The following TMEM98 variants were observed in gnomAD, a reference collection of about 807,000 sequenced individuals.
TMEM98 encodes transmembrane protein 98.
A neutral mutation model predicts 25.0 loss-of-function variants in TMEM98; 18 were observed. The ratio of observed to expected loss-of-function variants is 0.72; its 90% CI spans 0.50 to 1.07. TMEM98 has a LOEUF of 1.07. TMEM98 is among the 50% of genes least tolerant of loss of function. TMEM98 has a pLI of 0.00. For synonymous variants in TMEM98, 103 were observed against 112.4 expected, an observed-to-expected ratio of 0.92 and a Z score of 0.53; for missense variants, 241 against 289.0, an observed-to-expected ratio of 0.83 and a Z score of 1.20.
chr17:32,934,583 C>G (rs1277277531), intron 5 of TMEM98, among the ~76,000 whole-genome samples: 1 of 152,230 alleles, frequency 6.6e-6, no homozygotes, highest in Non-Finnish European at 1.5e-5. Flanking sequence ...CCTAGGTACA[C>G]AGCCACCATT....
intron 1 of TMEM98, among the ~76,000 whole-genome samples, chr17:32,930,528 C>G (rs968131198): frequency 6.6e-6 from 1 of 152,164 alleles, no homozygotes; most frequent in Non-Finnish European, 1.5e-5. Flanking sequence ...ACTTTAATGC[C>G]AGTTCTAAGT....
At chr17:32,928,739 A>G (rs1022939639) in intron 1 of TMEM98, among the ~76,000 whole-genome samples, 1 of 151,334 alleles carries the variant, frequency 6.6e-6, no homozygotes, top group African/African-American at 2.4e-5. Context: ...CACTTAAGAT[A>G]AACACTCAGG....
At chr17:32,937,862 A>T (rs1172700233) in intron 6 of TMEM98, among the ~76,000 whole-genome samples, 2 of 152,108 alleles carry the variant, frequency 1.3e-5, no homozygotes, top group East Asian at 3.9e-4. Flanking sequence ...CAGTGCTGGG[A>T]TTATAGGTGT....
chr17:32,938,245 C>T (rs2091508350), intron 6 of TMEM98, among the ~76,000 whole-genome samples: 1 of 152,080 alleles, frequency 6.6e-6, no homozygotes, highest in Middle Eastern at 3.2e-3. Context: ...ATGTTTTGTC[C>T]CCATTGTTTT....
At chr17:32,934,466 G>T (rs1328072119) in intron 5 of TMEM98, 142 bp downstream of exon 5, 3 of 860,376 alleles carry the variant, frequency 3.5e-6, no homozygotes, top group Non-Finnish European at 5.5e-6. Flanking sequence ...AATTTTTGTG[G>T]TTTACTTCCC....
rs1442262391 is a variant in TMEM98 at position 32,943,888 on chromosome 17, G to A, written c.*2895G>A. ...TGGCTTGGTCCAAGCAGTGACTTCT[G>A]TTCATGGGCTCTGGAATTGAGTGGC... On this transcript the variant is annotated 3_prime_UTR_variant, in exon 8 of 8. Transcript: ENST00000579849. 1 of 152,264 alleles carries A rather than the reference G, an allele frequency of 6.6e-6. No individual in the cohort carries two copies. The highest frequency in any genetic ancestry group is 1.5e-5 in the Non-Finnish European group (1 of 68,106). The allele number at this position is 152,264 out of a possible 1,614,324, so 9.4% of individuals were successfully genotyped here. A position where few individuals can be genotyped will look rare whatever the true frequency, so the allele number is the denominator to read the frequency against.
chr17:32,938,115 C>T (rs909378630), intron 6 of TMEM98, among the ~76,000 whole-genome samples: 1 of 152,202 alleles, frequency 6.6e-6, no homozygotes, highest in African/African-American at 2.4e-5. Context: ...TGGACCTGTT[C>T]TGGTGCTCAC....
In TMEM98 at chr17:32,943,405, GTC is replaced by G. The variant is rs2091540673; in HGVS notation, c.*2416_*2417del. On this transcript the variant is annotated 3_prime_UTR_variant, in exon 8 of 8. Transcript: ENST00000579849. ...AGTGAGTGCCAGGGATCTCAGGACT[GTC>G]TCTGTGCCAGGTGTGGTTTCCCAGG... The G allele has an allele frequency of 6.6e-6, 1 of 152,200 alleles. No individual in the cohort carries two copies. Among genetic ancestry groups the G allele is most frequent in the Admixed American group, 6.5e-5 (1 of 15,278 alleles). 9.4% of individuals were successfully genotyped at this position (152,200 alleles called of 1,614,324 possible).
chr17:32,929,435 G>T (rs1197732076), intron 1 of TMEM98, among the ~76,000 whole-genome samples: 3 of 152,162 alleles, frequency 2.0e-5, no homozygotes, highest in Non-Finnish European at 4.4e-5. Flanking sequence ...ACACTGAGAA[G>T]CGGGAGACGG....
intron 5 of TMEM98, among the ~76,000 whole-genome samples, chr17:32,934,956 C>G (rs29014): frequency 0.089 from 13,517 of 152,094 alleles, 680 homozygotes; most frequent in Non-Finnish European, 0.094. Flanking sequence ...CTGTTAATAT[C>G]CTACCTAATA....
At chr17:32,934,677 C>T (rs2091487059) in intron 5 of TMEM98, among the ~76,000 whole-genome samples, 1 of 152,194 alleles carries the variant, frequency 6.6e-6, no homozygotes, top group Non-Finnish European at 1.5e-5. Flanking sequence ...CCCCTGCACA[C>T]TCATTTTCAC....
At position 32,939,546 on chromosome 17, in the gene TMEM98, GGGGT is replaced by G. The variant is rs1407910365; in HGVS notation, c.473+16_473+19del. 1 of 1,613,992 alleles carries G rather than the reference GGGGT, an allele frequency of 6.2e-7. No individual in the cohort carries two copies. Among genetic ancestry groups the G allele is most frequent in the East Asian group, 2.2e-5 (1 of 44,892 alleles). On this transcript the variant is annotated intron_variant, in intron 7 of 7. Coordinates refer to ENST00000579849, the MANE Select transcript of TMEM98 (RefSeq NM_015544.3). ...AACTCCTGGACGCACGGTGAGACCA[GGGGT>G]GGGTGCATGTTCGGTTTTTCATGCA...
At chr17:32,930,414 G>A (rs1258363394) in intron 1 of TMEM98, among the ~76,000 whole-genome samples, 1 of 152,144 alleles carries the variant, frequency 6.6e-6, no homozygotes, top group East Asian at 1.9e-4. Flanking sequence ...CAAATGCACG[G>A]ACTTCTTTCA....
chr17:32,939,236 G>C (rs969427172), intron 6 of TMEM98, among the ~76,000 whole-genome samples: 3 of 151,924 alleles, frequency 2.0e-5, no homozygotes, highest in African/African-American at 7.3e-5. Flanking sequence ...GTGAAACCCC[G>C]TCTCTACTAA....
chr17:32,935,532 A>C (rs1386882946), intron 5 of TMEM98, among the ~76,000 whole-genome samples: 1 of 150,910 alleles, frequency 6.6e-6, no homozygotes, highest in Non-Finnish European at 1.5e-5. Context: ...GGATCTTAAG[A>C]CTCTTTTGCT....
chr17:32,931,803 C>A, intron 3 of TMEM98, 144 bp downstream of exon 3: 1 of 1,118,332 alleles, frequency 8.9e-7, no homozygotes, highest in Non-Finnish European at 1.2e-6. Context: ...CTGTAAAGAC[C>A]TCAGAGTTTA....
Position 32,940,781 on chromosome 17 carries a change from C to G in TMEM98, c.474-5C>G, listed in dbSNP as rs759809906. On this transcript the variant is annotated splice_polypyrimidine_tract_variant and splice_region_variant and intron_variant, in intron 7 of 7. Coordinates refer to ENST00000579849, the MANE Select transcript of TMEM98 (RefSeq NM_015544.3). ...AACCTGACCCTATTTTCTTTTTTTC[C>G]CTAGGACGACTGCCCTGCTCCTGTC... The G allele has an allele frequency of 6.2e-7, 1 of 1,606,226 alleles. No homozygotes were observed. The highest frequency in any genetic ancestry group is 8.5e-7 in the Non-Finnish European group (1 of 1,177,858).
intron 7 of TMEM98, among the ~76,000 whole-genome samples, chr17:32,939,831 C>G (rs955514751): frequency 6.6e-6 from 1 of 152,196 alleles, no homozygotes; most frequent in Non-Finnish European, 1.5e-5. Context: ...ACCTTTTCCC[C>G]TTTCCCCCTC....
In TMEM98 at chr17:32,942,059, T is replaced by A; in HGVS notation, c.*1066T>A. On this transcript the variant is annotated 3_prime_UTR_variant, in exon 8 of 8. Coordinates refer to ENST00000579849, the MANE Select transcript of TMEM98 (RefSeq NM_015544.3). ...CATGTCTCCAAAACATACATATATATAAAATATATTTAAAGACCTCTTGGA... is the reference window on the plus strand; with the variant it reads ...CATGTCTCCAAAACATACATATATAAAAAATATATTTAAAGACCTCTTGGA... The A allele has an allele frequency of 6.6e-6, 1 of 152,106 alleles. No homozygotes were observed. Among genetic ancestry groups the A allele is most frequent in the Non-Finnish European group, 1.5e-5 (1 of 68,034 alleles). 9.4% of individuals were successfully genotyped at this position (152,106 alleles called of 1,614,324 possible).
Sources: gnomAD v4.1 joint callset for allele counts (sites outside exome capture counted in the v4.1 genomes callset) on GRCh38, gnomAD v4.1.1 for gene constraint, MANE v1.5 for transcripts, NCBI Gene and HGNC (gene_info 2026-07-23, HGNC 2026-07-21) for gene names.